RNF180: variants seen among roughly 807,000 people sequenced by gnomAD.
RNF180 encodes the protein ring finger protein 180.
In RNF180, 38 loss-of-function variants were observed where a neutral mutation model predicts 59.2. The observed-to-expected ratio is 0.64, with a 90% confidence interval of 0.50 to 0.84. The LOEUF (loss-of-function observed/expected upper bound fraction) is 0.84, where lower values mean the gene tolerates loss of function less well. Among genes scored for constraint, RNF180 ranks in the 40% least tolerant of loss-of-function variants. The pLI, the probability that RNF180 is intolerant of heterozygous loss-of-function variation, is 0.00. For synonymous variants in RNF180, 262 were observed against 240.3 expected (o/e 1.09, Z -0.84); for missense variants, 705 against 700.9 (o/e 1.01, Z -0.07).
rs1561233353 is a variant in RNF180, at chr5:64,276,322, GTGTGT to G, written c.1228-48863_1228-48859del. ...AACTGGGAACAAAAAATACATTGGT[GTGTGT>G]GTGTGTGTGTGTGTGTGTGTGTGTG... is the stretch of plus-strand genomic sequence containing the variant. On this transcript the variant is annotated intron_variant, in intron 5 of 7. Coordinates refer to ENST00000389100, the MANE Select transcript of RNF180 (RefSeq NM_001113561.2). 3.7e-3 allele frequency among the ~76,000 whole-genome samples: 335 copies of G among 91,722 alleles called. 2 individuals carry two copies. The highest frequency in any genetic ancestry group is 0.012 in the African/African-American group (303 of 24,698). 60.2% of individuals were successfully genotyped at this position (91,722 alleles called of 152,430 possible).
chr5:64,294,454 C>T (rs1210490453), intron 5 of RNF180, among the ~76,000 whole-genome samples: 1 of 152,106 alleles, frequency 6.6e-6, no homozygotes, highest in African/African-American at 2.4e-5. Context: ...ATGCTAAGAG[C>T]ATTTTAATCT....
chr5:64,235,091 A>G (rs1742352948), intron 5 of RNF180, among the ~76,000 whole-genome samples: 1 of 152,134 alleles, frequency 6.6e-6, no homozygotes, highest in African/African-American at 2.4e-5. Flanking sequence ...AGCCCTGGCC[A>G]TGTACCAAGA....
intron 2 of RNF180, among the ~76,000 whole-genome samples, chr5:64,204,602 A>G (rs1374819975): frequency 6.6e-6 from 1 of 152,058 alleles, no homozygotes; most frequent in East Asian, 1.9e-4. Context: ...TTGTATTGCA[A>G]CTATTTTTTT....
In RNF180 at chr5:64,371,012, T is replaced by C. The variant is rs1746642695; in HGVS notation, c.*1198T>C. ...ACTATCCAAAAACATTGGGATCAAC[T>C]GGGCTTTAACAGTTTCAATCTATGA... On this transcript the variant is annotated 3_prime_UTR_variant, in exon 8 of 8. Transcript: ENST00000389100. 1 of 151,726 alleles carries C rather than the reference T, an allele frequency of 6.6e-6. No homozygotes were observed. Among genetic ancestry groups the C allele is most frequent in the African/African-American group, 2.4e-5 (1 of 41,416 alleles). 9.4% of individuals were successfully genotyped at this position (151,726 alleles called of 1,614,324 possible). A position where few individuals can be genotyped will look rare whatever the true frequency, so the allele number is the denominator to read the frequency against.
intron 5 of RNF180, among the ~76,000 whole-genome samples, chr5:64,310,188 G>T (rs1157117448): frequency 6.6e-6 from 1 of 151,736 alleles, no homozygotes; most frequent in African/African-American, 2.4e-5. Flanking sequence ...AGTATAAAAA[G>T]AATTATTTAT....
In RNF180 at chr5:64,213,668, T is replaced by C; in HGVS notation, c.342T>C (p.His114=). The change falls in exon 4 of 8, where the codon CAT becomes CAC. Residue 114 remains histidine (H), a synonymous_variant. Coordinates refer to ENST00000389100, the MANE Select transcript of RNF180 (RefSeq NM_001113561.2). ...CCTGTGGCCAGCTTGCAGCTGTACA[T>C]CTCTCCAAGAGCCGGACTGATTATC... is the stretch of plus-strand genomic sequence containing the variant. ...KCSCGQLAAV[H]LSKSRTDYQP... is the part of the protein sequence containing the mutation. 6.2e-7 allele frequency: 1 copy of C among 1,614,140 alleles called. No homozygotes were observed.
At chr5:64,217,659 A>C (rs1405598792) in intron 5 of RNF180, 4 of 380,610 alleles carry the variant, frequency 1.1e-5, no homozygotes, top group Non-Finnish European at 1.6e-5. Context: ...AGTGTCTTCA[A>C]ATCTTTTGGG....
intron 5 of RNF180, among the ~76,000 whole-genome samples, chr5:64,283,566 T>C (rs1018774703): frequency 5.9e-5 from 9 of 152,140 alleles, no homozygotes; most frequent in Non-Finnish European, 1.0e-4. Flanking sequence ...GTGGAGGTAA[T>C]TGAATCATGG....
intron 5 of RNF180, among the ~76,000 whole-genome samples, chr5:64,290,232 G>A (rs960492545): frequency 1.3e-5 from 2 of 152,066 alleles, no homozygotes; most frequent in Non-Finnish European, 2.9e-5. Flanking sequence ...AGATTTTGCT[G>A]TGGTCTGAAA....
chr5:64,170,084 G>A (rs1261242673), intron 1 of RNF180, among the ~76,000 whole-genome samples: 2 of 152,208 alleles, frequency 1.3e-5, no homozygotes, highest in African/African-American at 4.8e-5. Flanking sequence ...CAAGGCATGA[G>A]GTTGCCTGTG....
intron 2 of RNF180, among the ~76,000 whole-genome samples, chr5:64,203,757 G>A (rs1022762772): frequency 2.0e-5 from 3 of 152,006 alleles, no homozygotes; most frequent in Non-Finnish European, 4.4e-5. Context: ...GACTCTGAGG[G>A]GGGCTTCTAA....
At chr5:64,186,142 C>CAGA (rs1457990800) in intron 1 of RNF180, among the ~76,000 whole-genome samples, 41 of 152,230 alleles carry the variant, frequency 2.7e-4, no homozygotes, top group African/African-American at 9.9e-4. Flanking sequence ...CAAAATGTCT[C>CAGA]TGTATGTGAC....
In RNF180 at chr5:64,302,066, C is replaced by A. The variant is rs1421921953; in HGVS notation, c.1228-23120C>A. On this transcript the variant is annotated intron_variant, in intron 5 of 7. Transcript: ENST00000389100. ...ATATAGTCATAAGTCCCATCCCAGA[C>A]TCAAAGTGCAGAATTTAATGACAGC... Among the ~76,000 whole-genome samples the A allele has an allele frequency of 5.3e-5, 8 of 151,750 alleles. No homozygotes were observed. In the East Asian group the frequency reaches 1.6e-3, roughly 29 times the overall value.
intron 5 of RNF180, among the ~76,000 whole-genome samples, chr5:64,218,881 CTA>C (rs1752766594): frequency 6.6e-6 from 1 of 152,118 alleles, no homozygotes; most frequent in African/African-American, 2.4e-5. Context: ...TTTAAAAACA[CTA>C]TTTTTGTTTT....
intron 1 of RNF180, among the ~76,000 whole-genome samples, chr5:64,175,579 A>G (rs1750189634): frequency 6.6e-6 from 1 of 152,122 alleles, no homozygotes; most frequent in Non-Finnish European, 1.5e-5. Context: ...TTTTTGCTCA[A>G]GATTACTTTG....
intron 5 of RNF180, among the ~76,000 whole-genome samples, chr5:64,324,727 G>A (rs1375989017): frequency 6.6e-6 from 1 of 152,164 alleles, no homozygotes; most frequent in Non-Finnish European, 1.5e-5. Flanking sequence ...ATATAGAATA[G>A]AGAATGTTCC....
intron 1 of RNF180, among the ~76,000 whole-genome samples, chr5:64,187,655 G>C (rs1372893254): frequency 6.6e-6 from 1 of 152,162 alleles, no homozygotes; most frequent in African/African-American, 2.4e-5. Context: ...CCGTCTATTT[G>C]TGTAGATGAA....
chr5:64,225,991 T>G (rs1420299727), intron 5 of RNF180, among the ~76,000 whole-genome samples: 577 of 35,064 alleles, frequency 0.016, no homozygotes, highest in Admixed American at 0.019. Context: ...CGGCCGCCCC[T>G]TCTGGGAAGT....
chr5:64,339,914 TAAG>T (rs1357195289), intron 7 of RNF180, among the ~76,000 whole-genome samples: 2 of 152,146 alleles, frequency 1.3e-5, no homozygotes, highest in East Asian at 3.8e-4. Flanking sequence ...AAATGGGTAA[TAAG>T]AAAAGGAATG....
Sources: allele counts gnomAD v4.1 joint callset (sites outside exome capture counted in the v4.1 genomes callset), GRCh38; gene constraint gnomAD v4.1.1; transcripts MANE v1.5; gene names NCBI Gene and HGNC (gene_info 2026-07-23, HGNC 2026-07-21).